Variants in SH3BGRL2 observed in about 807,000 individuals in gnomAD.
SH3BGRL2 encodes the protein SH3 domain-binding glutamic acid-rich-like protein 2.
Under a neutral mutation model 14.8 loss-of-function variants are expected in SH3BGRL2, and 21 were observed. The observed-to-expected ratio is 1.42, with a 90% CI of 1.01 to 2.05. SH3BGRL2 has a LOEUF of 2.05. SH3BGRL2 is among the 30% of genes most tolerant of loss of function. SH3BGRL2 has a pLI of 0.00. For missense variants in SH3BGRL2, 147 were observed against 130.8 expected, an observed-to-expected ratio of 1.12 and a Z score of -0.61; for synonymous variants, 50 against 47.8, an observed-to-expected ratio of 1.05 and a Z score of -0.19.
At chr6:79,560,496 G>A in the SH3BGRL2 span, among the ~76,000 whole-genome samples, 9 of 152,200 alleles carry the variant, frequency 5.9e-5, no homozygotes, top group South Asian at 4.1e-4. Flanking sequence ...TATTATGAGC[G>A]TGCCTGTGAA....
the SH3BGRL2 span, among the ~76,000 whole-genome samples, chr6:79,567,908 CA>C: frequency 6.6e-6 from 1 of 151,856 alleles, no homozygotes; most frequent in South Asian, 2.1e-4. Flanking sequence ...ACACAGAAAC[CA>C]ATAGGAAATG....
intron 1 of SH3BGRL2, among the ~76,000 whole-genome samples, chr6:79,656,735 A>G (rs12211991): frequency 0.45 from 68,747 of 152,026 alleles, 16,476 homozygotes; most frequent in Non-Finnish European, 0.53. Flanking sequence ...AAGGGAGGAT[A>G]TGTGTAGGCT....
At chr6:79,654,797 G>A (rs1030331118) in intron 1 of SH3BGRL2, among the ~76,000 whole-genome samples, 6 of 152,122 alleles carry the variant, frequency 3.9e-5, no homozygotes, top group Admixed American at 2.6e-4. Context: ...TGCTTGAGGG[G>A]GGTGGTGTTA....
chr6:79,579,502 C>G, the SH3BGRL2 span, among the ~76,000 whole-genome samples: 1 of 152,180 alleles, frequency 6.6e-6, no homozygotes, highest in South Asian at 2.1e-4. Flanking sequence ...ATTCAACATT[C>G]TTAAAGAAAA....
intron 2 of SH3BGRL2, among the ~76,000 whole-genome samples, chr6:79,674,647 C>A (rs533671464): frequency 6.6e-6 from 1 of 152,278 alleles, no homozygotes; most frequent in South Asian, 2.1e-4. Context: ...AAAGGAATAA[C>A]AGCCTTTGGT....
the SH3BGRL2 span, among the ~76,000 whole-genome samples, chr6:79,558,225 G>A: frequency 1.3e-5 from 2 of 152,118 alleles, no homozygotes; most frequent in Admixed American, 1.3e-4. Context: ...AGACAGCTTG[G>A]CTCCAGAGAG....
At chr6:79,659,402 C>T (rs1769493309) in intron 1 of SH3BGRL2, among the ~76,000 whole-genome samples, 2 of 152,194 alleles carry the variant, frequency 1.3e-5, no homozygotes, top group Admixed American at 6.5e-5. Context: ...GGAATCCTTT[C>T]CCCATTTCTT....
intron 1 of SH3BGRL2, among the ~76,000 whole-genome samples, chr6:79,649,985 TCACACA>T (rs1554202291): frequency 2.7e-4 from 39 of 142,076 alleles, no homozygotes; most frequent in African/African-American, 8.7e-4. Context: ...TCTCTCTCTC[TCACACA>T]CACACACACA....
At chr6:79,537,910 G>C in the SH3BGRL2 span, among the ~76,000 whole-genome samples, 1 of 151,530 alleles carries the variant, frequency 6.6e-6, no homozygotes, top group East Asian at 1.9e-4. Context: ...TTCCTGCCTC[G>C]AGATCCTGGC....
the SH3BGRL2 span, among the ~76,000 whole-genome samples, chr6:79,555,053 A>G: frequency 1.3e-5 from 2 of 152,226 alleles, no homozygotes; most frequent in African/African-American, 4.8e-5. Context: ...AAATTATACC[A>G]TATCCCTAGA....
chr6:79,614,377 GAGA>G, the SH3BGRL2 span, among the ~76,000 whole-genome samples: 1 of 152,128 alleles, frequency 6.6e-6, no homozygotes, highest in East Asian at 1.9e-4. Context: ...TGGGGGACAC[GAGA>G]AGGAGAGCAA....
chr6:79,572,036 T>C, the SH3BGRL2 span, among the ~76,000 whole-genome samples: 1 of 152,306 alleles, frequency 6.6e-6, no homozygotes, highest in East Asian at 1.9e-4. Flanking sequence ...CATTTGTCCA[T>C]ACTAAGAAAT....
chr6:79,659,121 G>A (rs980771913), intron 1 of SH3BGRL2, among the ~76,000 whole-genome samples: 12 of 152,058 alleles, frequency 7.9e-5, no homozygotes, highest in African/African-American at 1.9e-4. Context: ...TTCTTTTGCC[G>A]TGCAGAAGCT....
intron 2 of SH3BGRL2, among the ~76,000 whole-genome samples, chr6:79,695,951 CT>C (rs1161303211): frequency 6.6e-6 from 1 of 152,124 alleles, no homozygotes; most frequent in Non-Finnish European, 1.5e-5. Flanking sequence ...ATATAGTTTC[CT>C]TTAGTTTTTA....
chr6:79,647,419 G>A (rs968289785), intron 1 of SH3BGRL2, among the ~76,000 whole-genome samples: 2 of 151,642 alleles, frequency 1.3e-5, no homozygotes, highest in African/African-American at 2.4e-5. Flanking sequence ...GAGTCTTTAG[G>A]GAATATATAT....
chr6:79,698,021 A>T (rs1770368612), intron 3 of SH3BGRL2, among the ~76,000 whole-genome samples: 1 of 152,200 alleles, frequency 6.6e-6, no homozygotes, highest in Non-Finnish European at 1.5e-5. Flanking sequence ...ACATTCTCAC[A>T]TGGCTTTTGG....
chr6:79,701,211 C>G lies in SH3BGRL2; in HGVS notation c.*1702C>G, dbSNP rs1770449043. ...CTGGTTAGTTGTCATTAAGTAAGAT[C>G]CAGGTCAAATTCCATTTGACAAATC... On this transcript the variant is annotated 3_prime_UTR_variant, in exon 4 of 4. Coordinates refer to ENST00000369838, the MANE Select transcript of SH3BGRL2 (RefSeq NM_031469.4). 6.6e-6 allele frequency: 1 copy of G among 152,122 alleles called. No individual in the cohort carries two copies. Among genetic ancestry groups the G allele is most frequent in the Admixed American group, 6.5e-5 (1 of 15,274 alleles). 9.4% of individuals were successfully genotyped at this position (152,122 alleles called of 1,614,324 possible).
intron 1 of SH3BGRL2, among the ~76,000 whole-genome samples, chr6:79,646,784 T>C (rs552264525): frequency 6.6e-6 from 1 of 152,332 alleles, no homozygotes; most frequent in South Asian, 2.1e-4. Context: ...GTAAATAGAA[T>C]CATAAATGAA....
At chr6:79,660,178 T>C (rs1221580608) in intron 1 of SH3BGRL2, among the ~76,000 whole-genome samples, 1 of 152,198 alleles carries the variant, frequency 6.6e-6, no homozygotes, top group Non-Finnish European at 1.5e-5. Context: ...AACACTGTGT[T>C]GAATCGGAGT....
Sources: allele counts gnomAD v4.1 joint callset (sites outside exome capture counted in the v4.1 genomes callset), GRCh38; gene constraint gnomAD v4.1.1; transcripts MANE v1.5; gene names NCBI Gene and HGNC (gene_info 2026-07-23, HGNC 2026-07-21).